Variants in MRPS7 observed in about 807,000 individuals in gnomAD.
The protein encoded by MRPS7 is mitochondrial ribosomal protein S7, also known as small ribosomal subunit protein uS7m.
In MRPS7, 13 loss-of-function variants were observed where a neutral mutation model predicts 26.2. The observed-to-expected ratio is 0.50, with a 90% CI of 0.32 to 0.79. The LOEUF is 0.79. Ranked by LOEUF, MRPS7 falls within the 30% of genes least tolerant of loss-of-function variation. The pLI is 0.03. For missense variants in MRPS7, 318 were observed against 312.2 expected, an observed-to-expected ratio of 1.02 and a Z score of -0.14; for synonymous variants, 129 against 113.3, an observed-to-expected ratio of 1.14 and a Z score of -0.88.
At chr17:75,263,019 C>CA in intron 3 of MRPS7, 152 bp downstream of exon 3, 1 of 735,784 alleles carries the variant, frequency 1.4e-6, no homozygotes, top group Non-Finnish European at 2.2e-6. Context: ...TAATGAAGCC[C>CA]TGTAAGAGTC....
intron 1 of MRPS7, 30 bp downstream of exon 1, chr17:75,262,013 G>GC: frequency 6.3e-7 from 1 of 1,599,992 alleles, no homozygotes; most frequent in Non-Finnish European, 8.5e-7. Flanking sequence ...CGGCGGGGGG[G>GC]CGCTGCGAGG....
Position 75,263,322 on chromosome 17 carries a change from C to T in MRPS7, c.340-18C>T, listed in dbSNP as rs533928811. ...TTAGGGAGCCTGGGGCAGCCTCTTC[C>T]ACCATATTCTTTTGCAGACTCTGGA... On this transcript the variant is annotated intron_variant, in intron 3 of 4. Coordinates refer to ENST00000245539, the MANE Select transcript of MRPS7 (RefSeq NM_015971.4). The T allele has an allele frequency of 3.1e-6, 5 of 1,613,832 alleles. No individual in the cohort carries two copies. In the South Asian group the frequency reaches 3.3e-5, roughly 11 times the overall value.
chr17:75,262,123 C>A, intron 1 of MRPS7, 140 bp downstream of exon 1: 1 of 1,020,530 alleles, frequency 9.8e-7, no homozygotes, highest in Non-Finnish European at 1.4e-6. Flanking sequence ...GCTGCGTGAC[C>A]CTGCGCCAAT....
chr17:75,263,832 G>C, intron 4 of MRPS7: 1 of 152,876 alleles, frequency 6.5e-6, no homozygotes, highest in South Asian at 1.4e-4. Context: ...AGTGAGTTAT[G>C]ATTACGCCCC....
At position 75,265,964 on chromosome 17, in the gene MRPS7, A is replaced by C; in HGVS notation, c.*41A>C. 1 of 1,586,170 alleles carries C rather than the reference A, an allele frequency of 6.3e-7. No homozygotes were observed. The highest frequency in any genetic ancestry group is 8.6e-7 in the Non-Finnish European group (1 of 1,158,752). Reference sequence around the variant, plus strand: ...CCCAGGGCCCTCTGCCGCAAGAAACAGTGTGAGCTACTGCCACGCTGAAAA... The same window carrying C: ...CCCAGGGCCCTCTGCCGCAAGAAACCGTGTGAGCTACTGCCACGCTGAAAA... On this transcript the variant is annotated 3_prime_UTR_variant, in exon 5 of 5. Coordinates refer to ENST00000245539, the MANE Select transcript of MRPS7 (RefSeq NM_015971.4).
chr17:75,262,005 GC>G lies in MRPS7; in HGVS notation c.83+23del, dbSNP rs10539706. ...CAGGGTGAGAGGGTGGCGAGCAGCGGCGGGGGGGCGCTGCGAGGAAGGAAGG... is the reference window on the plus strand; with the variant it reads ...CAGGGTGAGAGGGTGGCGAGCAGCGGGGGGGGGCGCTGCGAGGAAGGAAGG... On this transcript the variant is annotated intron_variant, in intron 1 of 4. Transcript: ENST00000245539. 15,958 of 565,472 alleles carry G rather than the reference GC, an allele frequency of 0.028. 1,034 individuals are homozygous for G. The African/African-American group carries it at 0.41, about 15-fold the overall frequency. 35.0% of individuals were successfully genotyped at this position (565,472 alleles called of 1,614,324 possible).
At position 75,264,172 on chromosome 17, in the gene MRPS7, C is replaced by CAA. The variant is rs77901195; in HGVS notation, c.507+683_507+684dup. On this transcript the variant is annotated intron_variant, in intron 4 of 4. Transcript: ENST00000245539. Reference sequence around the variant, plus strand: ...CTGGCAACAGAGCAAGACGCCATCTCAAAAAAAAAAAAAAAAAAAGAATTG... The same window carrying CAA: ...CTGGCAACAGAGCAAGACGCCATCTCAAAAAAAAAAAAAAAAAAAAAGAATTG... The CAA allele has an allele frequency of 6.5e-3, 352 of 54,016 alleles. 4 individuals are homozygous for CAA. The highest frequency in any genetic ancestry group is 0.02 in the African/African-American group (318 of 15,644). The allele number at this position is 54,016 out of a possible 1,614,324, so 3.3% of individuals were successfully genotyped here. A position where few individuals can be genotyped will look rare whatever the true frequency, so the allele number is the denominator to read the frequency against.
chr17:75,265,042 TTC>T (rs2145639335), intron 4 of MRPS7, among the ~76,000 whole-genome samples: 1 of 152,148 alleles, frequency 6.6e-6, no homozygotes, highest in South Asian at 2.1e-4. Flanking sequence ...TTTCTTCTTT[TTC>T]TTTTTCTTTT....
intron 4 of MRPS7, chr17:75,264,480 T>G (rs2077455708): frequency 6.6e-6 from 1 of 152,134 alleles, no homozygotes; most frequent in Non-Finnish European, 1.5e-5. Context: ...TTTAATTATA[T>G]TTTATTGTCC....
Position 75,261,985 on chromosome 17 carries a change from TGA to T in MRPS7, c.83+6_83+7del. On this transcript the variant is annotated splice_donor_region_variant and intron_variant, in intron 1 of 4. Coordinates refer to ENST00000245539, the MANE Select transcript of MRPS7 (RefSeq NM_015971.4). ...GCGGGCTGTCTTGCAGCTTCCAGGG[TGA>T]GAGGGTGGCGAGCAGCGGCGGGGGG... The T allele has an allele frequency of 1.3e-6, 2 of 1,563,138 alleles. No homozygotes were observed. The highest frequency in any genetic ancestry group is 1.7e-6 in the Non-Finnish European group (2 of 1,165,640).
Position 75,261,933 on chromosome 17 carries a change from A to G in MRPS7, c.33A>G (p.Gly11=). 2 of 1,608,746 alleles carry G rather than the reference A, an allele frequency of 1.2e-6. No individual in the cohort carries two copies. The highest frequency in any genetic ancestry group is 1.3e-5 in the African/African-American group (1 of 74,926). Residue 11 remains glycine (G), a synonymous_variant, in exon 1 of 5, where the codon GGA becomes GGG. Coordinates refer to ENST00000245539, the MANE Select transcript of MRPS7 (RefSeq NM_015971.4). ...CCCCCGCAGTGAAGGTTGCCCGAGGATGGTCGGGCCTGGCGTTGGGCGTGC... is the reference window on the plus strand; with the variant it reads ...CCCCCGCAGTGAAGGTTGCCCGAGGGTGGTCGGGCCTGGCGTTGGGCGTGC... MAAPAVKVAR[G]WSGLALGVRR... is the part of the protein sequence containing the mutation.
At chr17:75,265,389 G>A (rs1344994020) in intron 4 of MRPS7, among the ~76,000 whole-genome samples, 1 of 151,652 alleles carries the variant, frequency 6.6e-6, no homozygotes, top group African/African-American at 2.4e-5. Flanking sequence ...TGACGAGGCT[G>A]GTCTTGAACT....
intron 3 of MRPS7, 188 bp downstream of exon 3, chr17:75,263,055 G>A (rs746946985): frequency 3.1e-5 from 20 of 650,078 alleles, no homozygotes; most frequent in Non-Finnish European, 3.9e-5. Context: ...TTGGTGTTTC[G>A]GAAGTAAACA....
Position 75,263,477 on chromosome 17 carries a change from A to G in MRPS7, c.477A>G (p.Val159=). ...LKNCEPMIGL[V]PILKGGRFYQ... ...ACTGTGAGCCTATGATTGGGCTGGTACCCATCCTCAAGGGAGGCCGTTTCT... is the reference window on the plus strand; with the variant it reads ...ACTGTGAGCCTATGATTGGGCTGGTGCCCATCCTCAAGGGAGGCCGTTTCT... The change falls in exon 4 of 5, where the codon GTA becomes GTG. Residue 159 remains valine (V), a synonymous_variant. Coordinates refer to ENST00000245539, the MANE Select transcript of MRPS7 (RefSeq NM_015971.4). The G allele has an allele frequency of 1.2e-6, 2 of 1,614,022 alleles. No homozygotes were observed. Among genetic ancestry groups the G allele is most frequent in the Non-Finnish European group, 1.7e-6 (2 of 1,180,008 alleles).
chr17:75,265,705 C>T lies in MRPS7; in HGVS notation c.511C>T (p.Pro171Ser). 6.2e-7 allele frequency: 1 copy of T among 1,613,762 alleles called. No homozygotes were observed. The highest frequency in any genetic ancestry group is 1.1e-5 in the South Asian group (1 of 91,074). ...GCCTATGTCCTGTCTCACCCAGGTC[C>T]CTGTACCCCTACCCGACCGGCGTCG... ...ILKGGRFYQVPVPLPDRRRRF... is the reference protein window; with the variant it reads ...ILKGGRFYQVSVPLPDRRRRF... The change falls in exon 5 of 5, where the codon CCT (proline) becomes TCT (serine). Residue 171 changes from proline to serine, a missense_variant. Coordinates refer to ENST00000245539, the MANE Select transcript of MRPS7 (RefSeq NM_015971.4).
In MRPS7 at chr17:75,262,702, A is replaced by C. The variant is rs775520773; in HGVS notation, c.275+14A>C. ...CCCAGTCATCAGGTTAGATGGAAAC[A>C]AACACTTGTTACATGGACTGGGACT... On this transcript the variant is annotated intron_variant, in intron 2 of 4. Coordinates refer to ENST00000245539, the MANE Select transcript of MRPS7 (RefSeq NM_015971.4). 10 of 1,613,956 alleles carry C rather than the reference A, an allele frequency of 6.2e-6. No individual in the cohort carries two copies. The Admixed American group carries it at 8.3e-5, about 13-fold the overall frequency.
Position 75,261,978 on chromosome 17 carries a change from T to G in MRPS7, c.78T>G (p.Leu26=). 6.3e-7 allele frequency: 1 copy of G among 1,591,844 alleles called. No individual in the cohort carries two copies. Among genetic ancestry groups the G allele is most frequent in the East Asian group, 2.3e-5 (1 of 44,176 alleles). Residue 26 remains leucine (L), a synonymous_variant, in exon 1 of 5, where the codon CTT becomes CTG. Coordinates refer to ENST00000245539, the MANE Select transcript of MRPS7 (RefSeq NM_015971.4). ...ALGVRRAVLQ[L]PGLTQVRWSR... ...GCGTGCGGCGGGCTGTCTTGCAGCT[T>G]CCAGGGTGAGAGGGTGGCGAGCAGC...
intron 4 of MRPS7, chr17:75,263,825 G>A (rs1043573981): frequency 1.1e-5 from 2 of 181,260 alleles, no homozygotes; most frequent in African/African-American, 5.0e-5. Context: ...AGGCTGCAGT[G>A]AGTTATGATT....
In MRPS7 at chr17:75,263,507, G is replaced by C. The variant is rs780035982; in HGVS notation, c.507G>C (p.Gln169His). Reference protein sequence around the residue: ...VPILKGGRFYQVPVPLPDRRR... With the variant: ...VPILKGGRFYHVPVPLPDRRR... ...TCCTCAAGGGAGGCCGTTTCTACCA[G>C]GTGAATGAATGGCCAGGGCAAGAAA... The change falls in exon 4 of 5, where the codon CAG (glutamine) becomes CAC (histidine). Residue 169 changes from glutamine to histidine, a missense_variant and splice_region_variant. Physicochemically the swap from Gln to His is conservative, Grantham distance 24 (BLOSUM62 0). Coordinates refer to ENST00000245539, the MANE Select transcript of MRPS7 (RefSeq NM_015971.4). 1 of 1,613,922 alleles carries C rather than the reference G, an allele frequency of 6.2e-7. No homozygotes were observed.
Sources: allele counts gnomAD v4.1 joint callset (sites outside exome capture counted in the v4.1 genomes callset), GRCh38; gene constraint gnomAD v4.1.1; transcripts MANE v1.5; gene names NCBI Gene and HGNC (gene_info 2026-07-23, HGNC 2026-07-21).